The following IL17RB variants were observed in gnomAD, a reference collection of about 807,000 sequenced individuals.
IL17RB encodes interleukin 17 receptor B, also known as interleukin-17 receptor B.
Under a neutral mutation model 43.9 loss-of-function variants are expected in IL17RB, and 36 were observed. That is an observed-to-expected ratio of 0.82 (90% CI 0.63 to 1.08). The LOEUF (loss-of-function observed/expected upper bound fraction) is 1.08. IL17RB is among the 50% of genes least tolerant of loss of function. The pLI is 0.00. For missense variants in IL17RB, 613 were observed against 613.6 expected (o/e 1.00, Z 0.01); for synonymous variants, 225 against 225.4 (o/e 1.00, Z 0.02).
intron 9 of IL17RB, chr3:53,859,122 A>G (rs1368716401): frequency 2.6e-5 from 7 of 269,902 alleles, no homozygotes; most frequent in Non-Finnish European, 2.1e-5. Context: ...GAAAAAAGCC[A>G]AAGATGTAAG....
chr3:53,864,598 T>C, intron 10 of IL17RB, 148 bp from the exon 11 acceptor site: 1 of 660,948 alleles, frequency 1.5e-6, no homozygotes, highest in Non-Finnish European at 2.7e-6. Context: ...AAAAGGAACA[T>C]CAGGATGTTT....
chr3:53,856,929 C>T lies in IL17RB; in HGVS notation c.615C>T (p.Asn205=). The T allele has an allele frequency of 6.2e-7, 1 of 1,614,110 alleles. No individual in the cohort carries two copies. Residue 205 remains asparagine, a synonymous_variant, in exon 7 of 11, where the codon AAC becomes AAT. Transcript: ENST00000288167. The stretch of plus-strand genomic sequence containing the variant: ...ACTTCACAACCACTCCCCTGGGAAA[C>T]AGATACATGGCTCTTATCCAACACA... ...EVNFTTTPLG[N]RYMALIQHST... is the part of the protein sequence containing the mutation.
At chr3:53,855,214 ATG>A in intron 5 of IL17RB, 78 bp from the exon 6 acceptor site, 1 of 818,020 alleles carries the variant, frequency 1.2e-6, no homozygotes, top group Non-Finnish European at 2.1e-6. Context: ...TGGTATGCGT[ATG>A]TGTGTGTGCA....
At chr3:53,851,971 A>C (rs763901365) in intron 3 of IL17RB, 28 bp from the exon 4 acceptor site, 27 of 1,613,498 alleles carry the variant, frequency 1.7e-5, no homozygotes, top group Non-Finnish European at 2.2e-5. Flanking sequence ...TGCTAAATAA[A>C]CCAATGTCCT....
Position 53,865,591 on chromosome 3 carries a change from C to A in IL17RB, c.*283C>A. The A allele has an allele frequency of 2.7e-6, 1 of 363,708 alleles. No individual in the cohort carries two copies. Among genetic ancestry groups the A allele is most frequent in the Non-Finnish European group, 5.0e-6 (1 of 199,850 alleles). 22.5% of individuals were successfully genotyped at this position (363,708 alleles called of 1,614,324 possible). ...TAATGCAACAATAAAGCATCTTCAG[C>A]CAAACATCTAGTCTTCCATAGACCA... On this transcript the variant is annotated 3_prime_UTR_variant, in exon 11 of 11. Transcript: ENST00000288167.
At chr3:53,851,847 T>C in intron 3 of IL17RB, 152 bp from the exon 4 acceptor site, 1 of 847,818 alleles carries the variant, frequency 1.2e-6, no homozygotes, top group Non-Finnish European at 1.8e-6. Context: ...ACGAACCCCA[T>C]CTGTAAACTG....
Position 53,858,719 on chromosome 3 carries a change from C to A in IL17RB, c.748C>A (p.Leu250Met). 1 of 1,613,922 alleles carries A rather than the reference C, an allele frequency of 6.2e-7. No homozygotes were observed. The highest frequency in any genetic ancestry group is 1.1e-5 in the South Asian group (1 of 91,060). Reference protein sequence around the residue: ...TGDSEGATVQLTPYFPTCGSD... With the variant: ...TGDSEGATVQMTPYFPTCGSD... ...TTCTGAGCCTCTTGTTTTTCCTCAG[C>A]TGACTCCATATTTTCCTACTTGTGG... Residue 250 changes from leucine (L) to methionine (M), a missense_variant and splice_region_variant, in exon 9 of 11, where the codon CTG (leucine) becomes ATG (methionine). Physicochemically the swap from Leu to Met is conservative, Grantham distance 15. Coordinates refer to ENST00000288167, the MANE Select transcript of IL17RB (RefSeq NM_018725.4).
chr3:53,857,802 A>G, intron 8 of IL17RB, 112 bp downstream of exon 8: 2 of 982,712 alleles, frequency 2.0e-6, no homozygotes, highest in South Asian at 2.7e-5. Context: ...GCCAGCAGAC[A>G]CCAGTTAAGT....
intron 9 of IL17RB, 27 bp from the exon 10 acceptor site, chr3:53,860,103 A>G (rs765498943): frequency 6.5e-7 from 1 of 1,531,806 alleles, no homozygotes. Flanking sequence ...TTGTTTTCCA[A>G]AGGTGAATAA....
chr3:53,849,158 C>T (rs569922537), intron 2 of IL17RB, among the ~76,000 whole-genome samples: 2 of 152,320 alleles, frequency 1.3e-5, no homozygotes, highest in Non-Finnish European at 2.9e-5. Flanking sequence ...GCTGTGTGGG[C>T]CAGCTGGCTG....
rs763319688 is a variant in IL17RB at position 53,857,606 on chromosome 3, CTCTCT to C, written c.673-8_673-4del. The stretch of plus-strand genomic sequence containing the variant: ...GGCACCTCATAATTCTTGACTCTCT[CTCTCT>C]TAAGCCACACCAGAAGAAACAAACG... On this transcript the variant is annotated splice_polypyrimidine_tract_variant and splice_region_variant and intron_variant, in intron 7 of 10. Transcript: ENST00000288167. 2 of 1,613,710 alleles carry C rather than the reference CTCTCT, an allele frequency of 1.2e-6. No homozygotes were observed. Among genetic ancestry groups the C allele is most frequent in the Non-Finnish European group, 1.7e-6 (2 of 1,179,604 alleles).
At chr3:53,858,402 C>T (rs1286704382) in intron 8 of IL17RB, 12 of 1,119,292 alleles carry the variant, frequency 1.1e-5, no homozygotes, top group Non-Finnish European at 1.3e-5. Context: ...ATCACTGCTG[C>T]TCCTTTTTTC....
chr3:53,857,610 C>T lies in IL17RB; in HGVS notation c.673-6C>T, dbSNP rs1699389639. ...CCTCATAATTCTTGACTCTCTCTCT[C>T]TTAAGCCACACCAGAAGAAACAAAC... On this transcript the variant is annotated splice_polypyrimidine_tract_variant and splice_region_variant and intron_variant, in intron 7 of 10. Transcript: ENST00000288167. 6.2e-7 allele frequency: 1 copy of T among 1,613,756 alleles called. No individual in the cohort carries two copies. Among genetic ancestry groups the T allele is most frequent in the Admixed American group, 1.7e-5 (1 of 60,002 alleles).
rs1166261637 is a variant in IL17RB at position 53,858,824 on chromosome 3, T to G, written c.847+6T>G. The G allele has an allele frequency of 1.9e-6, 3 of 1,608,184 alleles. No individual in the cohort carries two copies. The stretch of plus-strand genomic sequence containing the variant: ...CCCTTTCCCTCTGGATAACAGTAAG[T>G]GCCCAGTAACTTCAACCAGATGATC... On this transcript the variant is annotated splice_donor_region_variant and intron_variant, in intron 9 of 10. Coordinates refer to ENST00000288167, the MANE Select transcript of IL17RB (RefSeq NM_018725.4).
rs572159374 is a variant in IL17RB at position 53,862,513 on chromosome 3, A to T, written c.947-2233A>T. Reference sequence around the variant, plus strand: ...GGATTTACAACAGAGCCAATCAAGGAAAGAGATTGTAGATGTGGCAAAAAA... The same window carrying T: ...GGATTTACAACAGAGCCAATCAAGGTAAGAGATTGTAGATGTGGCAAAAAA... On this transcript the variant is annotated intron_variant, in intron 10 of 10. Coordinates refer to ENST00000288167, the MANE Select transcript of IL17RB (RefSeq NM_018725.4). 2.6e-5 allele frequency among the ~76,000 whole-genome samples: 4 copies of T among 152,346 alleles called. 1 individual carries two copies. In the East Asian group the frequency reaches 5.8e-4, roughly 22 times the overall value.
intron 3 of IL17RB, among the ~76,000 whole-genome samples, chr3:53,851,379 G>T (rs1435828365): frequency 6.6e-6 from 1 of 152,200 alleles, no homozygotes; most frequent in Non-Finnish European, 1.5e-5. Context: ...GGCGAGAGGA[G>T]CTGGAAAGGG....
chr3:53,858,732 T>C lies in IL17RB; in HGVS notation c.761T>C (p.Phe254Ser). The C allele has an allele frequency of 4.3e-6, 7 of 1,614,140 alleles. No individual in the cohort carries two copies. The highest frequency in any genetic ancestry group is 5.9e-6 in the Non-Finnish European group (7 of 1,179,998). Residue 254 changes from phenylalanine to serine, a missense_variant, in exon 9 of 11, where the codon TTT becomes TCT. Physicochemically the swap from Phe to Ser is radical, Grantham distance 155. Transcript: ENST00000288167. Reference protein sequence around the residue: ...EGATVQLTPYFPTCGSDCIRH... With the variant: ...EGATVQLTPYSPTCGSDCIRH... ...GTTTTTCCTCAGCTGACTCCATATT[T>C]TCCTACTTGTGGCAGCGACTGCATC... is the stretch of plus-strand genomic sequence containing the variant.
At chr3:53,862,197 T>C (rs1167400212) in intron 10 of IL17RB, among the ~76,000 whole-genome samples, 1 of 151,914 alleles carries the variant, frequency 6.6e-6, no homozygotes. Context: ...GCCCCATGAG[T>C]TCAACACTAA....
chr3:53,856,808 G>C (rs1232503540), intron 6 of IL17RB, 36 bp from the exon 7 acceptor site: 6 of 1,612,056 alleles, frequency 3.7e-6, no homozygotes, highest in Non-Finnish European at 5.1e-6. Flanking sequence ...GGAAGAGTTA[G>C]CAAGTTCATC....
Sources: gnomAD v4.1 joint callset for allele counts (sites outside exome capture counted in the v4.1 genomes callset) on GRCh38, gnomAD v4.1.1 for gene constraint, MANE v1.5 for transcripts, NCBI Gene and HGNC (gene_info 2026-07-23, HGNC 2026-07-21) for gene names.